PHF20: variants seen among roughly 807,000 people sequenced by gnomAD.
The protein encoded by PHF20 is PHD finger protein 20, also known as glioma-expressed antigen 2.
In PHF20, 23 loss-of-function variants were observed where a neutral mutation model predicts 113.5. That is an observed-to-expected ratio of 0.20 (90% CI 0.15 to 0.29). The LOEUF (loss-of-function observed/expected upper bound fraction) is 0.29, where lower values mean the gene tolerates loss of function less well. Ranked by LOEUF, PHF20 falls within the 10% of genes least tolerant of loss-of-function variation. PHF20 has a pLI of 1.00. For synonymous variants in PHF20, 434 were observed against 457.3 expected (o/e 0.95, Z 0.65); for missense variants, 943 against 1,219.6 (o/e 0.77, Z 3.38).
chr20:35,874,340 A>G (rs1328263295), intron 9 of PHF20, among the ~76,000 whole-genome samples: 1 of 152,232 alleles, frequency 6.6e-6, no homozygotes, highest in Non-Finnish European at 1.5e-5. Flanking sequence ...GTTAAAGACG[A>G]TAAGGCAAAA....
chr20:35,831,845 G>T (rs2042362683), intron 2 of PHF20, among the ~76,000 whole-genome samples: 1 of 152,180 alleles, frequency 6.6e-6, no homozygotes, highest in African/African-American at 2.4e-5. Context: ...TGGTACCTCA[G>T]CTGGGAAGCT....
In PHF20 at chr20:35,853,816, G is replaced by A. The variant is rs142903924; in HGVS notation, c.341-4486G>A. ...GTTGCCCAGGCTGGAGTGCAGTGGC[G>A]CGATGTCAGATCACTACAACCTCTG... On this transcript the variant is annotated intron_variant, in intron 4 of 17. Coordinates refer to ENST00000374012, the MANE Select transcript of PHF20 (RefSeq NM_016436.5). Among the ~76,000 whole-genome samples, 659 of 151,000 alleles carry A rather than the reference G, an allele frequency of 4.4e-3. 4 individuals carry two copies. The highest frequency in any genetic ancestry group is 0.015 in the African/African-American group (596 of 41,048).
At chr20:35,926,330 C>T (rs2055633103) in intron 13 of PHF20, among the ~76,000 whole-genome samples, 1 of 144,738 alleles carries the variant, frequency 6.9e-6, no homozygotes, top group Non-Finnish European at 1.5e-5. Flanking sequence ...CTCCGCCTCC[C>T]AGGTTCACGC....
intron 1 of PHF20, among the ~76,000 whole-genome samples, chr20:35,772,332 A>G (rs1222362930): frequency 2.0e-5 from 3 of 150,774 alleles, no homozygotes; most frequent in Non-Finnish European, 4.5e-5. Flanking sequence ...GCTGCCGCCA[A>G]TCAGCGCCGC....
chr20:35,874,982 C>T (rs1310686254), intron 9 of PHF20, among the ~76,000 whole-genome samples: 2 of 152,166 alleles, frequency 1.3e-5, no homozygotes, highest in South Asian at 2.1e-4. Context: ...TGCCTATAGT[C>T]CCAGCTACTT....
chr20:35,840,165 T>C (rs1278204915), intron 2 of PHF20, among the ~76,000 whole-genome samples: 1 of 152,134 alleles, frequency 6.6e-6, no homozygotes, highest in Admixed American at 6.5e-5. Context: ...AAAATACAGA[T>C]AGAATGTAAA....
At chr20:35,806,618 ACTAAGC>A (rs2041885791) in intron 2 of PHF20, among the ~76,000 whole-genome samples, 2 of 152,130 alleles carry the variant, frequency 1.3e-5, no homozygotes, top group Admixed American at 1.3e-4. Flanking sequence ...ACTTGTATGT[ACTAAGC>A]CTCATATTTA....
At chr20:35,944,396 C>T (rs1167509863) in intron 17 of PHF20, among the ~76,000 whole-genome samples, 1 of 151,998 alleles carries the variant, frequency 6.6e-6, no homozygotes, top group African/African-American at 2.4e-5. Context: ...CCTGGGCCAC[C>T]GTAGTATCGG....
chr20:35,919,297 G>A (rs572985691), intron 13 of PHF20, among the ~76,000 whole-genome samples: 100 of 150,996 alleles, frequency 6.6e-4, no homozygotes, highest in African/African-American at 2.2e-3. Flanking sequence ...GATTACAGGC[G>A]TGAGCCACCG....
intron 1 of PHF20, among the ~76,000 whole-genome samples, chr20:35,794,098 C>T (rs1389743846): frequency 6.7e-6 from 1 of 150,278 alleles, no homozygotes; most frequent in Non-Finnish European, 1.5e-5. Flanking sequence ...GTCAGGAGTT[C>T]GAGACCAGCC....
At chr20:35,887,308 C>G (rs2054752505) in intron 9 of PHF20, among the ~76,000 whole-genome samples, 1 of 152,150 alleles carries the variant, frequency 6.6e-6, no homozygotes, top group Admixed American at 6.6e-5. Flanking sequence ...TTTGTTTTCT[C>G]ACAGTTTCTG....
chr20:35,787,413 A>G (rs2041444117), intron 1 of PHF20, among the ~76,000 whole-genome samples: 1 of 150,636 alleles, frequency 6.6e-6, no homozygotes, highest in South Asian at 2.1e-4. Context: ...TCCCGATCTC[A>G]GGTGATCTGC....
In PHF20 at chr20:35,931,413, C is replaced by T; in HGVS notation, c.2269C>T (p.His757Tyr). ...TGTGCAGAGAGTGATTGAGGTTCTG[C>T]ATGGCCTGCAGCTCAAGATGAGCAT... ...GDVQRVIEVLHGLQLKMSILQ... is the reference protein window; with the variant it reads ...GDVQRVIEVLYGLQLKMSILQ... Residue 757 changes from histidine to tyrosine, a missense_variant, in exon 15 of 18, where the codon CAT becomes TAT. His to Tyr is a moderately conservative substitution (Grantham distance 83). Around this residue, in one of 3 missense-constraint regions of PHF20, gnomAD observed 349 missense variants for 412.3 expected, o/e 0.85. Coordinates refer to ENST00000374012, the MANE Select transcript of PHF20 (RefSeq NM_016436.5). 6.2e-7 allele frequency: 1 copy of T among 1,613,472 alleles called. No homozygotes were observed. The highest frequency in any genetic ancestry group is 8.5e-7 in the Non-Finnish European group (1 of 1,179,706).
In PHF20 at chr20:35,908,010, T is replaced by C. The variant is rs955680139; in HGVS notation, c.1562-5239T>C. On this transcript the variant is annotated intron_variant, in intron 10 of 17. Transcript: ENST00000374012. ...CATCTATAATGCCTAATTTATAGAT[T>C]AGAAACTAAGGTGCAGATGAGATGG... is the stretch of plus-strand genomic sequence containing the variant. 3.3e-5 allele frequency among the ~76,000 whole-genome samples: 5 copies of C among 152,216 alleles called. No individual in the cohort carries two copies. In the East Asian group the frequency reaches 7.7e-4, roughly 23 times the overall value.
intron 4 of PHF20, among the ~76,000 whole-genome samples, chr20:35,850,508 C>G (rs571054068): frequency 7.0e-6 from 1 of 142,784 alleles, no homozygotes; most frequent in African/African-American, 2.6e-5. Flanking sequence ...TTTAAGGTTT[C>G]AAATGTACTT....
rs531514489 is a variant in PHF20, at chr20:35,938,946, C to T, written c.2550C>T (p.Ala850=). Residue 850 remains alanine, a synonymous_variant, in exon 16 of 18, where the codon GCC becomes GCT. Coordinates refer to ENST00000374012, the MANE Select transcript of PHF20 (RefSeq NM_016436.5). ...AGAAGCCCCGCGCCTATTACCCTGC[C>T]GTGGAGCAGAAGCTGGTGGTGGAGA... is the stretch of plus-strand genomic sequence containing the variant. ...CYQKPRAYYP[A]VEQKLVVETR... 36 of 1,614,200 alleles carry T rather than the reference C, an allele frequency of 2.2e-5. No homozygotes were observed. Among genetic ancestry groups the T allele is most frequent in the South Asian group, 1.4e-4 (13 of 91,088 alleles).
At chr20:35,901,445 C>G (rs1283104546) in intron 10 of PHF20, among the ~76,000 whole-genome samples, 1 of 142,460 alleles carries the variant, frequency 7.0e-6, no homozygotes, top group Non-Finnish European at 1.5e-5. Context: ...GTGCTTAAAA[C>G]ATATACTTGG....
At chr20:35,805,990 G>A (rs1473727888) in intron 2 of PHF20, among the ~76,000 whole-genome samples, 1 of 151,576 alleles carries the variant, frequency 6.6e-6, no homozygotes, top group East Asian at 1.9e-4. Context: ...TCAGCCTCCT[G>A]AGTAACTGGG....
At chr20:35,772,369 G>C (rs1009297497) in intron 1 of PHF20, among the ~76,000 whole-genome samples, 15 of 151,988 alleles carry the variant, frequency 9.9e-5, no homozygotes, top group African/African-American at 3.1e-4. Flanking sequence ...GTGGGGTGCG[G>C]GCCCGGGGCG....
Sources: allele counts gnomAD v4.1 joint callset (sites outside exome capture counted in the v4.1 genomes callset), GRCh38; gene constraint gnomAD v4.1.1; regional missense constraint gnomAD v4.1.1; transcripts MANE v1.5; gene names NCBI Gene and HGNC (gene_info 2026-07-23, HGNC 2026-07-21).